SH3RF3: variants seen among roughly 807,000 people sequenced by gnomAD.
SH3RF3 encodes the protein E3 ubiquitin-protein ligase SH3RF3.
Under a neutral mutation model 66.3 loss-of-function variants are expected in SH3RF3, and 29 were observed. The observed-to-expected ratio is 0.44, with a 90% confidence interval of 0.33 to 0.60. SH3RF3 has a LOEUF of 0.60. Ranked by LOEUF, SH3RF3 falls within the 20% of genes least tolerant of loss-of-function variation. The pLI, the probability that SH3RF3 is intolerant of heterozygous loss-of-function variation, is 0.04. For synonymous variants in SH3RF3, 583 were observed against 532.0 expected, an observed-to-expected ratio of 1.10 and a Z score of -1.32; for missense variants, 1,194 against 1,190.9, an observed-to-expected ratio of 1.00 and a Z score of -0.04.
At chr2:109,281,273 G>T (rs116057044) in intron 1 of SH3RF3, among the ~76,000 whole-genome samples, 258 of 152,342 alleles carry the variant, frequency 1.7e-3, no homozygotes, top group Middle Eastern at 3.4e-3. Flanking sequence ...CAGGTTGTGG[G>T]TTTTGTTGGG....
At chr2:109,354,028 C>T (rs1055450982) in intron 2 of SH3RF3, among the ~76,000 whole-genome samples, 2 of 152,184 alleles carry the variant, frequency 1.3e-5, no homozygotes, top group African/African-American at 2.4e-5. Context: ...AGGGCCAGCC[C>T]GCTAGGTGGG....
chr2:109,221,214 G>A (rs1396761385), intron 1 of SH3RF3, among the ~76,000 whole-genome samples: 1 of 152,178 alleles, frequency 6.6e-6, no homozygotes, highest in African/African-American at 2.4e-5. Flanking sequence ...ATCCTAGTCA[G>A]CCTCTCTTAA....
chr2:109,415,904 C>T (rs772381626), intron 4 of SH3RF3, among the ~76,000 whole-genome samples: 7 of 152,090 alleles, frequency 4.6e-5, no homozygotes, highest in Non-Finnish European at 1.0e-4. Flanking sequence ...AATTAGGTCA[C>T]AAGGGCAAGG....
At chr2:109,221,941 A>G (rs1435260591) in intron 1 of SH3RF3, among the ~76,000 whole-genome samples, 1 of 152,022 alleles carries the variant, frequency 6.6e-6, no homozygotes, top group Non-Finnish European at 1.5e-5. Flanking sequence ...AATAGCAAAG[A>G]TGTGAATCAG....
intron 1 of SH3RF3, among the ~76,000 whole-genome samples, chr2:109,163,719 A>C (rs1274560212): frequency 6.6e-6 from 1 of 152,088 alleles, no homozygotes; most frequent in Non-Finnish European, 1.5e-5. Flanking sequence ...TTAAGCTTGG[A>C]GACTTCACGA....
At chr2:109,444,618 G>T (rs1196252968) in intron 7 of SH3RF3, among the ~76,000 whole-genome samples, 1 of 152,210 alleles carries the variant, frequency 6.6e-6, no homozygotes, top group Non-Finnish European at 1.5e-5. Flanking sequence ...GCTCTGGCCT[G>T]AGGACTAGGA....
intron 8 of SH3RF3, among the ~76,000 whole-genome samples, chr2:109,472,435 G>A (rs945886126): frequency 5.3e-5 from 8 of 152,166 alleles, no homozygotes; most frequent in Non-Finnish European, 1.0e-4. Context: ...CAGAGCTTGC[G>A]GGGCTTCCCG....
intron 1 of SH3RF3, among the ~76,000 whole-genome samples, chr2:109,295,024 C>T (rs551092151): frequency 3.3e-5 from 5 of 152,352 alleles, no homozygotes; most frequent in East Asian, 1.9e-4. Context: ...GATTAGCCAT[C>T]GCTATGAATT....
Position 109,503,755 on chromosome 2 carries a change from G to T in SH3RF3, c.*2084G>T, listed in dbSNP as rs1054901150. The T allele has an allele frequency of 6.6e-6, 1 of 152,140 alleles. No homozygotes were observed. 9.4% of individuals were successfully genotyped at this position (152,140 alleles called of 1,614,324 possible). A position where few individuals can be genotyped will look rare whatever the true frequency, so the allele number is the denominator to read the frequency against. On this transcript the variant is annotated 3_prime_UTR_variant, in exon 10 of 10. Transcript: ENST00000309415. ...GAAGTCTTTTTTTTAAGGCGCGCAG[G>T]TACCAAGCAACAGAATAGAGTAACC...
intron 6 of SH3RF3, among the ~76,000 whole-genome samples, chr2:109,434,110 G>T (rs1001370494): frequency 2.6e-5 from 4 of 152,204 alleles, no homozygotes; most frequent in Non-Finnish European, 5.9e-5. Context: ...CTCACCTGTC[G>T]TGTCATCAGA....
chr2:109,418,600 T>C (rs1456232920), intron 4 of SH3RF3, among the ~76,000 whole-genome samples: 1 of 152,114 alleles, frequency 6.6e-6, no homozygotes, highest in Non-Finnish European at 1.5e-5. Context: ...ATACTCATCA[T>C]TGGATTTGGT....
At chr2:109,423,852 C>G (rs1023874076) in intron 5 of SH3RF3, among the ~76,000 whole-genome samples, 9 of 152,138 alleles carry the variant, frequency 5.9e-5, no homozygotes, top group Non-Finnish European at 1.0e-4. Context: ...TCATCCCCAC[C>G]CCTGCCGCCT....
At chr2:109,455,262 G>A (rs536628827) in intron 8 of SH3RF3, among the ~76,000 whole-genome samples, 2 of 152,282 alleles carry the variant, frequency 1.3e-5, no homozygotes, top group South Asian at 4.1e-4. Flanking sequence ...TGGCCTTGGG[G>A]GGAGAAAGGG....
intron 1 of SH3RF3, among the ~76,000 whole-genome samples, chr2:109,193,304 C>T (rs949855254): frequency 6.6e-6 from 1 of 152,218 alleles, no homozygotes; most frequent in Non-Finnish European, 1.5e-5. Context: ...AGACAGAATT[C>T]ACATACCGTG....
chr2:109,457,148 T>G (rs146631108), intron 8 of SH3RF3, among the ~76,000 whole-genome samples: 179 of 152,230 alleles, frequency 1.2e-3, no homozygotes, highest in African/African-American at 4.1e-3. Flanking sequence ...TTGTTGGGAG[T>G]AGTAAATTTA....
At chr2:109,189,759 A>G (rs759590341) in intron 1 of SH3RF3, among the ~76,000 whole-genome samples, 20 of 152,194 alleles carry the variant, frequency 1.3e-4, no homozygotes, top group Non-Finnish European at 2.8e-4. Flanking sequence ...CACTGTCTGG[A>G]GCTTCAAGCA....
At chr2:109,348,338 G>C (rs1682763447) in intron 2 of SH3RF3, among the ~76,000 whole-genome samples, 2 of 152,218 alleles carry the variant, frequency 1.3e-5, no homozygotes, top group Non-Finnish European at 2.9e-5. Flanking sequence ...GGGCTCATCA[G>C]GGGAAACTGC....
Position 109,501,718 on chromosome 2 carries a change from G to T in SH3RF3, c.*47G>T. ...AGCTCACAGAGGGGGAGGCCGCCTG[G>T]GAAGCTCCACGGCACACAGAGAGGG... On this transcript the variant is annotated 3_prime_UTR_variant, in exon 10 of 10. Coordinates refer to ENST00000309415, the MANE Select transcript of SH3RF3 (RefSeq NM_001099289.3). 1 of 715,140 alleles carries T rather than the reference G, an allele frequency of 1.4e-6. No individual in the cohort carries two copies. 44.3% of individuals were successfully genotyped at this position (715,140 alleles called of 1,614,324 possible).
At position 109,290,148 on chromosome 2, in the gene SH3RF3, A is replaced by G. The variant is rs150894418; in HGVS notation, c.574-57526A>G. On this transcript the variant is annotated intron_variant, in intron 1 of 9. Transcript: ENST00000309415. ...CACAGATATAGATGACCAAAGTTGC[A>G]TGGTCCTGGATGAGCCAGATCCCTT... is the stretch of plus-strand genomic sequence containing the variant. 7.3e-4 allele frequency among the ~76,000 whole-genome samples: 111 copies of G among 152,314 alleles called. 1 individual carries two copies. Among genetic ancestry groups the G allele is most frequent in the Middle Eastern group, 3.4e-3 (1 of 294 alleles).
Sources: allele counts gnomAD v4.1 joint callset (sites outside exome capture counted in the v4.1 genomes callset), GRCh38; gene constraint gnomAD v4.1.1; transcripts MANE v1.5; gene names NCBI Gene and HGNC (gene_info 2026-07-23, HGNC 2026-07-21).